The following CUX2 variants were observed in gnomAD, a reference collection of about 807,000 sequenced individuals.
CUX2 encodes the protein homeobox protein cut-like 2.
CUX2 carries 40 observed loss-of-function variants against 144.8 expected under a neutral mutation model. That is an observed-to-expected ratio of 0.28 (90% CI 0.21 to 0.36). The LOEUF (loss-of-function observed/expected upper bound fraction) is 0.36, where lower values mean the gene tolerates loss of function less well. Ranked by LOEUF, CUX2 falls within the 10% of genes least tolerant of loss-of-function variation. CUX2 has a pLI of 1.00. For missense variants in CUX2, 1,615 were observed against 1,994.0 expected (o/e 0.81, Z 3.62); for synonymous variants, 827 against 875.6 (o/e 0.94, Z 0.98).
At chr12:111,247,736 T>C (rs1464266562) in intron 3 of CUX2, among the ~76,000 whole-genome samples, 1 of 152,192 alleles carries the variant, frequency 6.6e-6, no homozygotes, top group East Asian at 1.9e-4. Flanking sequence ...GCTCTGGTTT[T>C]TTGGCTTCAG....
At chr12:111,149,499 A>G (rs1592941235) in intron 1 of CUX2, among the ~76,000 whole-genome samples, 1 of 152,276 alleles carries the variant, frequency 6.6e-6, no homozygotes, top group Non-Finnish European at 1.5e-5. Context: ...AGATGCCAGT[A>G]GCACACCGCC....
At chr12:111,270,623 A>G (rs1323299059) in intron 4 of CUX2, 2 of 151,562 alleles carry the variant, frequency 1.3e-5, no homozygotes, top group Non-Finnish European at 2.9e-5. Flanking sequence ...TAACTTGTTA[A>G]CTGAGTGATT....
At chr12:111,306,792 CA>C in intron 10 of CUX2, 128 bp from the exon 11 acceptor site, 1 of 704,482 alleles carries the variant, frequency 1.4e-6, no homozygotes, top group Non-Finnish European at 2.4e-6. Context: ...TTTTTCAACA[CA>C]AGCACACCCC....
At chr12:111,331,404 G>A (rs1888115586) in intron 18 of CUX2, among the ~76,000 whole-genome samples, 1 of 152,124 alleles carries the variant, frequency 6.6e-6, no homozygotes, top group Non-Finnish European at 1.5e-5. Flanking sequence ...TTTTTCTAAT[G>A]TGCTGGGATT....
intron 1 of CUX2, among the ~76,000 whole-genome samples, chr12:111,202,453 C>G (rs1565845754): frequency 1.3e-5 from 2 of 152,234 alleles, no homozygotes; most frequent in African/African-American, 2.4e-5. Flanking sequence ...ACAGCCACCT[C>G]CAGGTCCCGC....
At chr12:111,230,598 T>C (rs59135471) in intron 3 of CUX2, among the ~76,000 whole-genome samples, 10,191 of 152,250 alleles carry the variant, frequency 0.067, 351 homozygotes, top group South Asian at 0.11. Context: ...TACTAAGACC[T>C]GGGTCCCAGC....
intron 1 of CUX2, among the ~76,000 whole-genome samples, chr12:111,095,328 G>A (rs1872757016): frequency 6.6e-6 from 1 of 152,102 alleles, no homozygotes; most frequent in African/African-American, 2.4e-5. Context: ...GTGAGGTGGC[G>A]CACGTCTGTA....
At chr12:111,042,603 G>A (rs1408729570) in intron 1 of CUX2, among the ~76,000 whole-genome samples, 1 of 152,096 alleles carries the variant, frequency 6.6e-6, no homozygotes, top group Non-Finnish European at 1.5e-5. Flanking sequence ...AATAGTAGTA[G>A]CCACCTCCTT....
At chr12:111,096,132 C>T (rs986017202) in intron 1 of CUX2, among the ~76,000 whole-genome samples, 2 of 152,062 alleles carry the variant, frequency 1.3e-5, no homozygotes, top group Non-Finnish European at 2.9e-5. Flanking sequence ...TGCCACCGAG[C>T]CCCCCATCAG....
rs1566195508 is a variant in CUX2 at position 111,061,922 on chromosome 12, C to G, written c.63+27682C>G. On this transcript the variant is annotated intron_variant, in intron 1 of 21. Transcript: ENST00000261726. This position sits in a 1 kb window ranked among gnomAD's most constrained non-coding sequence, Gnocchi z 4.2. The stretch of plus-strand genomic sequence containing the variant: ...TCAAATTCTGCCCCTGCCAATAAGA[C>G]TTCAGCGCGTGCACTCCATCTGTGC... Among the ~76,000 whole-genome samples the G allele has an allele frequency of 1.3e-5, 2 of 152,192 alleles. No homozygotes were observed. Among genetic ancestry groups the G allele is most frequent in the Non-Finnish European group, 2.9e-5 (2 of 68,030 alleles).
At chr12:111,184,197 T>C (rs1187478551) in intron 1 of CUX2, among the ~76,000 whole-genome samples, 3 of 152,162 alleles carry the variant, frequency 2.0e-5, no homozygotes, top group Admixed American at 1.3e-4. Context: ...GAACTTATTC[T>C]TCAGATACAC....
chr12:111,310,162 G>A lies in CUX2; in HGVS notation c.1380G>A (p.Gly460=), dbSNP rs767892061. The change falls in exon 15 of 22, where the codon GGG becomes GGA. Residue 460 remains glycine (G), a synonymous_variant. Coordinates refer to ENST00000261726, the MANE Select transcript of CUX2 (RefSeq NM_015267.4). This position sits in a 1 kb window ranked among gnomAD's most constrained non-coding sequence, Gnocchi z 7.9. Reference sequence around the variant, plus strand: ...AAGACCCCCTGTCTCCCAGCCCCGGGCAGCCCCTGCTGGGCCCCAGCTTGG... The same window carrying A: ...AAGACCCCCTGTCTCCCAGCCCCGGACAGCCCCTGCTGGGCCCCAGCTTGG... ...GPEDPLSPSP[G]QPLLGPSLGP... The A allele has an allele frequency of 1.3e-6, 2 of 1,551,366 alleles. No individual in the cohort carries two copies. Among genetic ancestry groups the A allele is most frequent in the East Asian group, 2.3e-5 (1 of 43,406 alleles).
chr12:111,177,838 C>T (rs536232311), intron 1 of CUX2, among the ~76,000 whole-genome samples: 4 of 152,332 alleles, frequency 2.6e-5, no homozygotes, highest in South Asian at 2.1e-4. Context: ...GTCCTAGTGA[C>T]GATACCTCTG....
At chr12:111,315,315 C>T (rs2136386360) in intron 16 of CUX2, among the ~76,000 whole-genome samples, 1 of 152,260 alleles carries the variant, frequency 6.6e-6, no homozygotes, top group Middle Eastern at 3.4e-3. Context: ...GAGTGACAAA[C>T]TGGAAACAAA....
chr12:111,265,219 G>C (rs1300043177), intron 4 of CUX2, among the ~76,000 whole-genome samples: 2 of 151,866 alleles, frequency 1.3e-5, no homozygotes, highest in Non-Finnish European at 1.5e-5. Context: ...TCCTGGTTTG[G>C]GTTACAGTTT....
In CUX2 at chr12:111,291,419, C is replaced by A. The variant is rs1310580156; in HGVS notation, c.303C>A (p.Asp101Glu). 1.2e-6 allele frequency: 2 copies of A among 1,608,954 alleles called. No individual in the cohort carries two copies. The highest frequency in any genetic ancestry group is 1.1e-5 in the South Asian group (1 of 89,690). The change falls in exon 5 of 22, where the codon GAC becomes GAA. Residue 101 changes from aspartate (D) to glutamate (E), a missense_variant and splice_region_variant. Asp to Glu is a conservative substitution (Grantham distance 45, BLOSUM62 2). This residue lies in a region of CUX2 where 295 missense variants were observed against 400.2 expected (regional missense o/e 0.74). Coordinates refer to ENST00000261726, the MANE Select transcript of CUX2 (RefSeq NM_015267.4). ...SVYKQLIEAP[D>E]PVPVFEAARS... ...CCCTGTCTTTCTCTCCCTGCACAGA[C>A]CCCGTGCCTGTGTTTGAGGCGGCAC...
chr12:111,189,756 C>T (rs749529431), intron 1 of CUX2, among the ~76,000 whole-genome samples: 5 of 152,106 alleles, frequency 3.3e-5, no homozygotes, highest in Admixed American at 6.5e-5. Flanking sequence ...GTTTGCATTG[C>T]TCTTAGGTTC....
chr12:111,243,927 T>C (rs894344096), intron 3 of CUX2, among the ~76,000 whole-genome samples: 1 of 152,132 alleles, frequency 6.6e-6, no homozygotes, highest in Non-Finnish European at 1.5e-5. Context: ...GCTCTTTGTA[T>C]GTGGAAGTGA....
rs1157021350 is a variant in CUX2 at position 111,059,745 on chromosome 12, G to C, written c.63+25505G>C. Among the ~76,000 whole-genome samples the C allele has an allele frequency of 6.6e-6, 1 of 152,072 alleles. No homozygotes were observed. Among genetic ancestry groups the C allele is most frequent in the African/African-American group, 2.4e-5 (1 of 41,388 alleles). ...GTGATGTGGAAGGGGTGCTACCAAG[G>C]AGAAGGTGGTCGTGGGGGGTCCTCA... On this transcript the variant is annotated intron_variant, in intron 1 of 21. Transcript: ENST00000261726. This position sits in a 1 kb window ranked among gnomAD's most constrained non-coding sequence, Gnocchi z 5.3.
Sources: allele counts gnomAD v4.1 joint callset (sites outside exome capture counted in the v4.1 genomes callset), GRCh38; gene constraint gnomAD v4.1.1; regional missense constraint gnomAD v4.1.1; non-coding constraint Gnocchi (gnomAD v3.1); transcripts MANE v1.5; gene names NCBI Gene and HGNC (gene_info 2026-07-23, HGNC 2026-07-21).